Variants in UMAD1 observed in about 807,000 individuals in gnomAD.
UMAD1 encodes the protein UBAP1-MVB12-associated (UMA)-domain containing protein 1.
In UMAD1, 8 loss-of-function variants were observed where a neutral mutation model predicts 6.1. The observed-to-expected ratio is 1.30, with a 90% confidence interval of 0.76 to 2.35. UMAD1 has a LOEUF of 2.35. Ranked by LOEUF, UMAD1 falls within the 30% of genes most tolerant of loss-of-function variation. The pLI, the probability that UMAD1 is intolerant of heterozygous loss-of-function variation, is 0.00. For synonymous variants in UMAD1, 56 were observed against 31.4 expected (o/e 1.78, Z -2.61); for missense variants, 130 against 78.4 (o/e 1.66, Z -2.49).
chr7:7,717,060 CTTTT>C (rs766644906), intron 2 of UMAD1, among the ~76,000 whole-genome samples: 1 of 141,600 alleles, frequency 7.1e-6, no homozygotes, highest in African/African-American at 2.6e-5. Context: ...TTCTTTTTTT[CTTTT>C]TTTTTTTTTT....
At chr7:7,684,303 G>A (rs1222005426) in intron 2 of UMAD1, among the ~76,000 whole-genome samples, 1 of 151,786 alleles carries the variant, frequency 6.6e-6, no homozygotes, top group Non-Finnish European at 1.5e-5. Flanking sequence ...CCGCGTTCAA[G>A]CAATTCTCAT....
intron 2 of UMAD1, among the ~76,000 whole-genome samples, chr7:7,709,648 A>G (rs1563143134): frequency 2.0e-5 from 3 of 152,236 alleles, no homozygotes; most frequent in African/African-American, 4.8e-5. Context: ...TCTGTTTGGT[A>G]TGTTCCTGTA....
chr7:7,691,459 CAGT>C (rs1261092642), intron 2 of UMAD1, among the ~76,000 whole-genome samples: 1 of 152,120 alleles, frequency 6.6e-6, no homozygotes, highest in Non-Finnish European at 1.5e-5. Flanking sequence ...TTTAAAATAT[CAGT>C]ATTTACTACT....
At chr7:7,775,800 A>T (rs1248877832) in intron 2 of UMAD1, among the ~76,000 whole-genome samples, 1 of 152,240 alleles carries the variant, frequency 6.6e-6, no homozygotes, top group Non-Finnish European at 1.5e-5. Flanking sequence ...ACTTCTAGGT[A>T]TTTACTCAGG....
At chr7:7,741,605 TAATAATAATAAA>T (rs1053220840) in intron 2 of UMAD1, among the ~76,000 whole-genome samples, 2 of 147,350 alleles carry the variant, frequency 1.4e-5, no homozygotes, top group African/African-American at 4.9e-5. Context: ...ATAATAATAA[TAATAATAATAAA>T]AATAATAAAA....
intron 2 of UMAD1, among the ~76,000 whole-genome samples, chr7:7,693,305 A>ATCTG (rs1554315962): frequency 6.6e-6 from 1 of 151,744 alleles, no homozygotes; most frequent in Non-Finnish European, 1.5e-5. Flanking sequence ...TTATCTATCT[A>ATCTG]TCTATCTATC....
At chr7:7,673,070 G>C (rs1779646585) in intron 1 of UMAD1, among the ~76,000 whole-genome samples, 1 of 152,132 alleles carries the variant, frequency 6.6e-6, no homozygotes, top group East Asian at 1.9e-4. Flanking sequence ...GTTATTTTCT[G>C]AATCTTCAGA....
At chr7:7,730,422 T>G (rs1422229376) in intron 2 of UMAD1, among the ~76,000 whole-genome samples, 2 of 152,242 alleles carry the variant, frequency 1.3e-5, no homozygotes, top group Admixed American at 6.5e-5. Flanking sequence ...GTTTGCTGCT[T>G]CTTGCACTCT....
intron 2 of UMAD1, among the ~76,000 whole-genome samples, chr7:7,674,400 C>T (rs528437728): frequency 6.6e-6 from 1 of 152,252 alleles, no homozygotes; most frequent in African/African-American, 2.4e-5. Flanking sequence ...TCTGTGAGAC[C>T]AGAATAGAGT....
At chr7:7,831,878 C>A (rs1189891180) in intron 3 of UMAD1, among the ~76,000 whole-genome samples, 1 of 152,104 alleles carries the variant, frequency 6.6e-6, no homozygotes, top group Non-Finnish European at 1.5e-5. Flanking sequence ...AATGTAGTGT[C>A]ATATTTTCAA....
At chr7:7,655,097 C>G (rs62452504) in intron 1 of UMAD1, among the ~76,000 whole-genome samples, 9,451 of 152,058 alleles carry the variant, frequency 0.062, 388 homozygotes, top group Middle Eastern at 0.13. Flanking sequence ...AGCAATGATT[C>G]CAGACAGTTC....
At chr7:7,799,582 TA>T (rs1385014040) in intron 2 of UMAD1, among the ~76,000 whole-genome samples, 3 of 152,234 alleles carry the variant, frequency 2.0e-5, no homozygotes, top group Non-Finnish European at 2.9e-5. Flanking sequence ...TTTCTTCGAG[TA>T]AAGGACTTTT....
chr7:7,722,205 A>G (rs568197558), intron 2 of UMAD1, among the ~76,000 whole-genome samples: 2 of 149,768 alleles, frequency 1.3e-5, no homozygotes, highest in South Asian at 4.2e-4. Flanking sequence ...CTATATAGAT[A>G]TATAGATATA....
intron 2 of UMAD1, among the ~76,000 whole-genome samples, chr7:7,718,884 GGGGAAAT>G (rs1161087355): frequency 6.8e-6 from 1 of 146,558 alleles, no homozygotes; most frequent in East Asian, 1.9e-4. Context: ...GGGTGAAGTG[GGGGAAAT>G]GTATGTGTGT....
intron 2 of UMAD1, among the ~76,000 whole-genome samples, chr7:7,698,870 C>CT (rs57968079): frequency 0.02 from 2,672 of 131,914 alleles, 79 homozygotes; most frequent in African/African-American, 0.062. Context: ...ACCCTCTTGT[C>CT]TTTTTTTTTT....
chr7:7,741,786 G>A (rs1259138979), intron 2 of UMAD1, among the ~76,000 whole-genome samples: 1 of 151,788 alleles, frequency 6.6e-6, no homozygotes, highest in Non-Finnish European at 1.5e-5. Context: ...TAAGAGCAGA[G>A]AAAAACCTGC....
chr7:7,815,633 G>A (rs1783111274), intron 3 of UMAD1, among the ~76,000 whole-genome samples: 1 of 152,152 alleles, frequency 6.6e-6, no homozygotes, highest in Admixed American at 6.5e-5. Context: ...CCAGGAAGCA[G>A]GAAGGAGGAA....
At chr7:7,662,777 C>G (rs1785507516) in intron 1 of UMAD1, among the ~76,000 whole-genome samples, 1 of 151,916 alleles carries the variant, frequency 6.6e-6, no homozygotes, top group African/African-American at 2.4e-5. Context: ...TGCCAGCAAC[C>G]CCTCTTCATG....
chr7:7,671,118 T>A (rs528890892), intron 1 of UMAD1, among the ~76,000 whole-genome samples: 1 of 152,220 alleles, frequency 6.6e-6, no homozygotes, highest in Non-Finnish European at 1.5e-5. Context: ...AATAATCATA[T>A]TACTCTTTGA....
Sources: allele counts gnomAD v4.1 joint callset (sites outside exome capture counted in the v4.1 genomes callset), GRCh38; gene constraint gnomAD v4.1.1; transcripts MANE v1.5; gene names NCBI Gene and HGNC (gene_info 2026-07-23, HGNC 2026-07-21).